HPSE2: variants seen among roughly 807,000 people sequenced by gnomAD.
HPSE2 encodes heparanase 2 (inactive).
HPSE2 carries 38 observed loss-of-function variants against 60.5 expected under a neutral mutation model. That is an observed-to-expected ratio of 0.63 (90% CI 0.48 to 0.82). The LOEUF (loss-of-function observed/expected upper bound fraction) is 0.82. Among genes scored for constraint, HPSE2 ranks in the 40% least tolerant of loss-of-function variants. The pLI is 0.00. For missense variants in HPSE2, 713 were observed against 740.4 expected (o/e 0.96, Z 0.43); for synonymous variants, 295 against 293.2 (o/e 1.01, Z -0.06).
chr10:99,101,264 C>T (rs970126900), intron 3 of HPSE2, among the ~76,000 whole-genome samples: 8 of 152,126 alleles, frequency 5.3e-5, no homozygotes, highest in Admixed American at 5.2e-4. Flanking sequence ...CAAAGACACA[C>T]ATAGGCTCAA....
chr10:98,678,875 C>A (rs1006316247), intron 6 of HPSE2, among the ~76,000 whole-genome samples: 2 of 151,944 alleles, frequency 1.3e-5, no homozygotes, highest in Admixed American at 1.3e-4. Context: ...GGTTTAAGTA[C>A]AGGCATTTAC....
At chr10:99,277,614 T>A in the HPSE2 span, among the ~76,000 whole-genome samples, 3 of 152,230 alleles carry the variant, frequency 2.0e-5, no homozygotes, top group African/African-American at 7.2e-5. Flanking sequence ...TACAGGCATC[T>A]AATAGAAATA....
intron 3 of HPSE2, among the ~76,000 whole-genome samples, chr10:98,774,310 A>G (rs2134430325): frequency 6.6e-6 from 1 of 152,146 alleles, no homozygotes; most frequent in African/African-American, 2.4e-5. Context: ...AAAAATTCCT[A>G]TTTGCTCCAT....
At chr10:98,585,565 C>G (rs573909402) in intron 9 of HPSE2, among the ~76,000 whole-genome samples, 3 of 151,776 alleles carry the variant, frequency 2.0e-5, no homozygotes, top group African/African-American at 7.3e-5. Flanking sequence ...CCACCAAGCC[C>G]GGCCTACAGT....
chr10:98,844,270 G>A (rs940750762), intron 3 of HPSE2, among the ~76,000 whole-genome samples: 2 of 152,178 alleles, frequency 1.3e-5, no homozygotes, highest in African/African-American at 2.4e-5. Context: ...GAAGGCATCC[G>A]TAAGATTAAA....
intron 3 of HPSE2, among the ~76,000 whole-genome samples, chr10:99,052,761 A>G (rs1222182110): frequency 6.6e-6 from 1 of 152,136 alleles, no homozygotes; most frequent in African/African-American, 2.4e-5. Context: ...AAAGTAAGAC[A>G]TTTAAAAAAT....
chr10:99,297,401 CCACA>C, the HPSE2 span, among the ~76,000 whole-genome samples: 1 of 152,222 alleles, frequency 6.6e-6, no homozygotes, highest in Non-Finnish European at 1.5e-5. Flanking sequence ...TTCCTTCTGC[CCACA>C]CTCCCATAGT....
chr10:99,199,596 G>C (rs985905363), intron 2 of HPSE2, among the ~76,000 whole-genome samples: 6 of 152,164 alleles, frequency 3.9e-5, no homozygotes, highest in African/African-American at 1.4e-4. Context: ...ATATATGCAT[G>C]GTCTTATTTC....
At chr10:99,164,256 T>C (rs1262132726) in intron 2 of HPSE2, among the ~76,000 whole-genome samples, 5 of 118,812 alleles carry the variant, frequency 4.2e-5, no homozygotes, top group Non-Finnish European at 8.9e-5. Flanking sequence ...TATATATATA[T>C]ATATATATAT....
chr10:98,992,004 C>T (rs1025017135), intron 3 of HPSE2, among the ~76,000 whole-genome samples: 1 of 152,262 alleles, frequency 6.6e-6, no homozygotes, highest in Non-Finnish European at 1.5e-5. Flanking sequence ...CCATATAGCA[C>T]CAATGCCTTT....
chr10:98,585,628 T>C (rs1201347318), intron 9 of HPSE2, among the ~76,000 whole-genome samples: 1 of 151,788 alleles, frequency 6.6e-6, no homozygotes, highest in Non-Finnish European at 1.5e-5. Flanking sequence ...CCAAATGTTT[T>C]ATGCTAAAGA....
At chr10:98,685,999 C>T (rs1947906527) in intron 6 of HPSE2, among the ~76,000 whole-genome samples, 1 of 152,066 alleles carries the variant, frequency 6.6e-6, no homozygotes, top group African/African-American at 2.4e-5. Context: ...TAGTAAGAAT[C>T]CCTCTTTCAT....
At position 99,126,744 on chromosome 10, in the gene HPSE2, G is replaced by C. The variant is rs879183591; in HGVS notation, c.610+17494C>G. Among the ~76,000 whole-genome samples, 1 of 152,158 alleles carries C rather than the reference G, an allele frequency of 6.6e-6. No individual in the cohort carries two copies. The highest frequency in any genetic ancestry group is 2.4e-5 in the African/African-American group (1 of 41,456). The stretch of plus-strand genomic sequence containing the variant: ...CAACTAAGGACCCTGACACAGTCTA[G>C]TTTACTCCCCTGCCACCTCCACCAC... On this transcript the variant is annotated intron_variant, in intron 3 of 11. Transcript: ENST00000370552. This position sits in a 1 kb window ranked among gnomAD's most constrained non-coding sequence, Gnocchi z 4.0.
chr10:99,111,545 G>A (rs893729776), intron 3 of HPSE2, among the ~76,000 whole-genome samples: 20 of 152,124 alleles, frequency 1.3e-4, no homozygotes, highest in African/African-American at 2.2e-4. Flanking sequence ...GAAAGACTGC[G>A]TTCCTTTCAA....
At chr10:99,040,910 C>T (rs1343472050) in intron 3 of HPSE2, among the ~76,000 whole-genome samples, 1 of 151,966 alleles carries the variant, frequency 6.6e-6, no homozygotes, top group Non-Finnish European at 1.5e-5. Flanking sequence ...CACAGTGAAA[C>T]CCTGTCTCTA....
rs1849815263 is a variant in HPSE2, at chr10:99,235,662, C to T, written c.141G>A (p.Leu47=). ...LSSQAGDRRP[L]PVDRAAGLKE... ...TCAAACCTGCAGCTCTGTCTACAGG[C>T]AAGGGTCTCCTGTCTCCAGCCTGGG... Residue 47 remains leucine, a synonymous_variant, in exon 1 of 12, where the codon TTG becomes TTA. Coordinates refer to ENST00000370552, the MANE Select transcript of HPSE2 (RefSeq NM_021828.5). 3 of 1,613,930 alleles carry T rather than the reference C, an allele frequency of 1.9e-6. No homozygotes were observed. The highest frequency in any genetic ancestry group is 2.5e-6 in the Non-Finnish European group (3 of 1,180,002).
intron 3 of HPSE2, among the ~76,000 whole-genome samples, chr10:99,140,805 G>A (rs1016924460): frequency 5.3e-5 from 8 of 152,188 alleles, no homozygotes; most frequent in East Asian, 1.9e-4. Context: ...CTGGGAGGCC[G>A]AGGTGGGCGG....
intron 6 of HPSE2, among the ~76,000 whole-genome samples, chr10:98,684,239 G>A (rs1336497): frequency 0.95 from 143,901 of 152,120 alleles, 68,551 homozygotes; most frequent in East Asian, 1. Flanking sequence ...CAGGAAACAC[G>A]GCAATCAACC....
intron 3 of HPSE2, among the ~76,000 whole-genome samples, chr10:99,128,208 T>C (rs1440178885): frequency 6.6e-6 from 1 of 152,124 alleles, no homozygotes; most frequent in East Asian, 1.9e-4. Context: ...AATGGCAGAA[T>C]GGATAAAAAT....
Sources: allele counts gnomAD v4.1 joint callset (sites outside exome capture counted in the v4.1 genomes callset), GRCh38; gene constraint gnomAD v4.1.1; non-coding constraint Gnocchi (gnomAD v3.1); transcripts MANE v1.5; gene names NCBI Gene and HGNC (gene_info 2026-07-23, HGNC 2026-07-21).